NAALADL2: variants seen among roughly 807,000 people sequenced by gnomAD.
NAALADL2 encodes N-acetylated alpha-linked acidic dipeptidase like 2.
In NAALADL2, 76 loss-of-function variants were observed where a neutral mutation model predicts 87.2. The ratio of observed to expected loss-of-function variants is 0.87; its 90% CI spans 0.72 to 1.05. The LOEUF is 1.05. NAALADL2 is among the 50% of genes least tolerant of loss of function. NAALADL2 has a pLI of 0.00. For synonymous variants in NAALADL2, 354 were observed against 331.0 expected, an observed-to-expected ratio of 1.07 and a Z score of -0.75; for missense variants, 1,089 against 945.8, an observed-to-expected ratio of 1.15 and a Z score of -1.99.
chr3:175,791,650 T>C (rs1576844095), intron 13 of NAALADL2, among the ~76,000 whole-genome samples: 1 of 152,312 alleles, frequency 6.6e-6, no homozygotes, highest in East Asian at 1.9e-4. Context: ...ACTATTTCTA[T>C]AATGGGATCT....
chr3:175,443,819 A>C (rs1271762196), intron 5 of NAALADL2, among the ~76,000 whole-genome samples: 2 of 149,520 alleles, frequency 1.3e-5, no homozygotes, highest in African/African-American at 5.0e-5. Flanking sequence ...GTGATTTTAC[A>C]TAGTGATAAT....
At chr3:175,233,899 T>C (rs552680981) in intron 2 of NAALADL2, 32 bp from the exon 3 acceptor site, 695 of 1,324,004 alleles carry the variant, frequency 5.2e-4, no homozygotes, top group Middle Eastern at 3.6e-3. Flanking sequence ...ATTCTCCTTT[T>C]TAAAAAAGTT....
intron 1 of NAALADL2, among the ~76,000 whole-genome samples, chr3:174,973,191 A>G (rs868410358): frequency 1.3e-5 from 2 of 152,148 alleles, no homozygotes; most frequent in South Asian, 4.1e-4. Context: ...CCTTTATGGC[A>G]TACGTTTTTA....
At chr3:175,276,015 A>G (rs1405925531) in intron 4 of NAALADL2, among the ~76,000 whole-genome samples, 1 of 151,586 alleles carries the variant, frequency 6.6e-6, no homozygotes, top group East Asian at 1.9e-4. Context: ...TAAACAATAA[A>G]TTTCTACAAA....
intron 11 of NAALADL2, among the ~76,000 whole-genome samples, chr3:175,681,108 T>A (rs536456934): frequency 8.5e-5 from 13 of 152,288 alleles, no homozygotes; most frequent in Non-Finnish European, 1.6e-4. Flanking sequence ...CGAGGCTCTG[T>A]CTCAAAACAA....
At chr3:174,901,653 G>C (rs1409854299) in intron 1 of NAALADL2, among the ~76,000 whole-genome samples, 1 of 152,038 alleles carries the variant, frequency 6.6e-6, no homozygotes, top group African/African-American at 2.4e-5. Flanking sequence ...TATCTAGCCA[G>C]CTGCAAAATC....
At chr3:175,054,760 A>G (rs1161597105) in intron 1 of NAALADL2, among the ~76,000 whole-genome samples, 1 of 151,990 alleles carries the variant, frequency 6.6e-6, no homozygotes, top group Non-Finnish European at 1.5e-5. Context: ...AACCTTGCAA[A>G]TTTTTTCCTA....
chr3:175,131,795 G>T (rs1288826862), intron 2 of NAALADL2, among the ~76,000 whole-genome samples: 2 of 147,536 alleles, frequency 1.4e-5, no homozygotes, highest in Non-Finnish European at 3.0e-5. Context: ...CTCCCTCCCG[G>T]ACGGGGGGCC....
chr3:175,606,918 A>C (rs1026744242), intron 10 of NAALADL2, among the ~76,000 whole-genome samples: 5 of 152,150 alleles, frequency 3.3e-5, no homozygotes, highest in Non-Finnish European at 5.9e-5. Context: ...ACATATCCTT[A>C]ACATAAAATT....
At chr3:174,637,979 G>A (rs1364275392) in intron 2 of NAALADL2, among the ~76,000 whole-genome samples, 5 of 151,844 alleles carry the variant, frequency 3.3e-5, no homozygotes, top group Non-Finnish European at 1.5e-5. Flanking sequence ...TATTCAAAGT[G>A]TTCATATTTA....
intron 11 of NAALADL2, among the ~76,000 whole-genome samples, chr3:175,639,583 G>C (rs917884017): frequency 6.6e-6 from 1 of 151,990 alleles, no homozygotes; most frequent in Non-Finnish European, 1.5e-5. Context: ...GCCTCCCAAA[G>C]TGCTGGGATT....
intron 9 of NAALADL2, among the ~76,000 whole-genome samples, chr3:175,504,792 G>A (rs1423653751): frequency 6.6e-6 from 1 of 152,112 alleles, no homozygotes; most frequent in Non-Finnish European, 1.5e-5. Context: ...TCTAAATGAA[G>A]ATAATAGTAG....
At chr3:174,790,540 C>T (rs758469270) in intron 3 of NAALADL2, among the ~76,000 whole-genome samples, 6 of 151,754 alleles carry the variant, frequency 4.0e-5, no homozygotes, top group Non-Finnish European at 8.8e-5. Context: ...CCCAGCTACT[C>T]ACAAGGCTGA....
At chr3:175,593,473 C>A (rs75779943) in intron 10 of NAALADL2, among the ~76,000 whole-genome samples, 6,627 of 152,124 alleles carry the variant, frequency 0.044, 484 homozygotes, top group African/African-American at 0.15. Flanking sequence ...ACAGTGTATT[C>A]GTTTCTTGGA....
intron 3 of NAALADL2, 80 bp downstream of exon 3, chr3:175,234,284 G>A (rs576069895): frequency 1.4e-6 from 2 of 1,422,030 alleles, no homozygotes; most frequent in East Asian, 2.3e-5. Flanking sequence ...TGAACTAACT[G>A]TCAAGATGCA....
At chr3:174,576,370 A>G (rs1330981625) in intron 2 of NAALADL2, among the ~76,000 whole-genome samples, 2 of 152,206 alleles carry the variant, frequency 1.3e-5, no homozygotes, top group Non-Finnish European at 2.9e-5. Context: ...CTTTTGGGTT[A>G]AATCACTATG....
At chr3:175,505,605 G>A (rs1182690057) in intron 9 of NAALADL2, among the ~76,000 whole-genome samples, 1 of 152,082 alleles carries the variant, frequency 6.6e-6, no homozygotes, top group Non-Finnish European at 1.5e-5. Context: ...TACGTAAGCT[G>A]AGGATTTGAA....
chr3:175,663,275 G>T (rs1402175610), intron 11 of NAALADL2, among the ~76,000 whole-genome samples: 2 of 151,602 alleles, frequency 1.3e-5, no homozygotes, highest in East Asian at 3.9e-4. Flanking sequence ...TTGAATCTTA[G>T]TAGATTTTAT....
At chr3:175,801,907 G>A (rs1435384074) in intron 13 of NAALADL2, among the ~76,000 whole-genome samples, 1 of 151,972 alleles carries the variant, frequency 6.6e-6, no homozygotes, top group Non-Finnish European at 1.5e-5. Flanking sequence ...AAGTTACAGG[G>A]CACTATCTTA....
Sources: gnomAD v4.1 joint callset for allele counts (sites outside exome capture counted in the v4.1 genomes callset) on GRCh38, gnomAD v4.1.1 for gene constraint, MANE v1.5 for transcripts, NCBI Gene and HGNC (gene_info 2026-07-23, HGNC 2026-07-21) for gene names.